Variants in CNBD1 observed in about 807,000 individuals in gnomAD.
CNBD1 encodes the protein cyclic nucleotide binding domain containing 1.
In CNBD1, 71 loss-of-function variants were observed where a neutral mutation model predicts 54.4. The observed-to-expected ratio is 1.30, with a 90% CI of 1.08 to 1.59. The LOEUF is 1.59. Ranked by LOEUF, CNBD1 falls within the 40% of genes most tolerant of loss-of-function variation. The pLI is 0.00. For missense variants in CNBD1, 659 were observed against 518.0 expected (o/e 1.27, Z -2.64); for synonymous variants, 182 against 170.7 (o/e 1.07, Z -0.51).
At chr8:87,140,211 T>TTC (rs751577787) in intron 4 of CNBD1, among the ~76,000 whole-genome samples, 120 of 149,628 alleles carry the variant, frequency 8.0e-4, no homozygotes, top group African/African-American at 2.3e-3. Flanking sequence ...TCTGTCTCTC[T>TTC]TCTCTCTCTC....
intron 6 of CNBD1, among the ~76,000 whole-genome samples, chr8:87,248,104 C>T (rs1807844135): frequency 6.6e-6 from 1 of 152,188 alleles, no homozygotes; most frequent in Admixed American, 6.6e-5. Context: ...TTGCCCATAA[C>T]ATATTCTCAT....
intron 10 of CNBD1, among the ~76,000 whole-genome samples, chr8:87,376,516 G>A (rs971197994): frequency 1.3e-5 from 2 of 151,820 alleles, no homozygotes; most frequent in South Asian, 2.1e-4. Context: ...GTAAAAACCG[G>A]CCTAAAAATA....
intron 4 of CNBD1, among the ~76,000 whole-genome samples, chr8:87,137,721 A>G (rs1283466285): frequency 6.6e-6 from 1 of 152,132 alleles, no homozygotes; most frequent in African/African-American, 2.4e-5. Flanking sequence ...AGAAATATCA[A>G]ATTAAAGCAT....
chr8:86,930,961 G>A (rs1372531918), intron 3 of CNBD1, among the ~76,000 whole-genome samples: 1 of 152,130 alleles, frequency 6.6e-6, no homozygotes, highest in Non-Finnish European at 1.5e-5. Flanking sequence ...CCAAGTCCTA[G>A]ACTTCAGGGT....
intron 3 of CNBD1, among the ~76,000 whole-genome samples, chr8:86,907,913 G>T (rs1268373372): frequency 1.3e-5 from 2 of 152,070 alleles, no homozygotes; most frequent in Non-Finnish European, 2.9e-5. Flanking sequence ...TACCTACACT[G>T]TTAACATTTA....
intron 6 of CNBD1, among the ~76,000 whole-genome samples, chr8:87,276,202 C>T (rs946984971): frequency 1.3e-5 from 2 of 151,866 alleles, no homozygotes; most frequent in Non-Finnish European, 2.9e-5. Context: ...CAATTAATGT[C>T]TTCCTATCTA....
At chr8:87,375,811 C>A (rs965474566) in intron 10 of CNBD1, among the ~76,000 whole-genome samples, 1 of 151,852 alleles carries the variant, frequency 6.6e-6, no homozygotes, top group African/African-American at 2.4e-5. Context: ...CAAAGGTACA[C>A]TGAATTCCGT....
At chr8:86,908,706 G>A (rs1010850580) in intron 3 of CNBD1, among the ~76,000 whole-genome samples, 4 of 151,866 alleles carry the variant, frequency 2.6e-5, no homozygotes, top group African/African-American at 9.7e-5. Context: ...TGTTTAAAGG[G>A]GGCTGTGAAA....
At chr8:86,933,842 T>A (rs1809499411) in intron 3 of CNBD1, among the ~76,000 whole-genome samples, 1 of 152,136 alleles carries the variant, frequency 6.6e-6, no homozygotes, top group Non-Finnish European at 1.5e-5. Context: ...ATTGCCTTTT[T>A]AATTACTAGT....
chr8:87,358,842 A>G (rs1810474488), intron 10 of CNBD1, among the ~76,000 whole-genome samples: 1 of 152,144 alleles, frequency 6.6e-6, no homozygotes, highest in South Asian at 2.1e-4. Flanking sequence ...GAGCACCAGG[A>G]ATCCTGGTAT....
intron 10 of CNBD1, among the ~76,000 whole-genome samples, chr8:87,355,013 G>A (rs1246884556): frequency 1.3e-5 from 2 of 152,178 alleles, no homozygotes; most frequent in African/African-American, 4.8e-5. Flanking sequence ...TCATTAAAAA[G>A]TCAGGAAACA....
chr8:87,424,606 G>C (rs945319478), intron 2 of CNBD1, among the ~76,000 whole-genome samples: 5 of 152,178 alleles, frequency 3.3e-5, no homozygotes, highest in Non-Finnish European at 4.4e-5. Context: ...TCTTAATCCT[G>C]AGTTCTAGTT....
intron 4 of CNBD1, among the ~76,000 whole-genome samples, chr8:87,068,960 C>T (rs561721657): frequency 6.6e-6 from 1 of 152,110 alleles, no homozygotes; most frequent in Admixed American, 6.6e-5. Context: ...ATGAATAGAG[C>T]AAGTTCAGAA....
chr8:87,354,648 C>T (rs1464271844), intron 10 of CNBD1, among the ~76,000 whole-genome samples: 3 of 151,162 alleles, frequency 2.0e-5, no homozygotes, highest in African/African-American at 7.3e-5. Context: ...TGAGTGAGAA[C>T]ATGCGGTGTT....
chr8:86,993,569 C>G (rs1293595614), intron 4 of CNBD1, among the ~76,000 whole-genome samples: 1 of 152,142 alleles, frequency 6.6e-6, no homozygotes, highest in Non-Finnish European at 1.5e-5. Flanking sequence ...CTGCTTATAG[C>G]TCATCTGAGA....
At chr8:86,956,522 A>T (rs950313609) in intron 4 of CNBD1, among the ~76,000 whole-genome samples, 3 of 152,178 alleles carry the variant, frequency 2.0e-5, no homozygotes. Context: ...AGTGGTTTGT[A>T]GTTCTCCTTG....
At chr8:86,980,644 T>C (rs770702791) in intron 4 of CNBD1, among the ~76,000 whole-genome samples, 2 of 152,204 alleles carry the variant, frequency 1.3e-5, no homozygotes, top group Non-Finnish European at 2.9e-5. Flanking sequence ...CACTTTGCCG[T>C]GTTTTAGGAA....
chr8:87,224,268 T>C (rs1315864880), intron 5 of CNBD1, among the ~76,000 whole-genome samples: 1 of 150,180 alleles, frequency 6.7e-6, no homozygotes, highest in African/African-American at 2.5e-5. Flanking sequence ...TTGTCAATTT[T>C]GTCTTTTGTT....
At chr8:87,201,803 CCAGGCTGGAGTGCAGTGA>C (rs1328048599) in intron 4 of CNBD1, among the ~76,000 whole-genome samples, 1 of 151,914 alleles carries the variant, frequency 6.6e-6, no homozygotes, top group Non-Finnish European at 1.5e-5. Context: ...ATTCTGTCGC[CCAGGCTGGAGTGCAGTGA>C]CACAATCTTG....
Sources: allele counts gnomAD v4.1 joint callset (sites outside exome capture counted in the v4.1 genomes callset), GRCh38; gene constraint gnomAD v4.1.1; transcripts MANE v1.5; gene names NCBI Gene and HGNC (gene_info 2026-07-23, HGNC 2026-07-21).